Variants in RFTN1 observed in about 807,000 individuals in gnomAD.
RFTN1 encodes raftlin, lipid raft linker 1.
A neutral mutation model predicts 46.5 loss-of-function variants in RFTN1; 26 were observed. The observed-to-expected ratio is 0.56, with a 90% CI of 0.41 to 0.78. The LOEUF (loss-of-function observed/expected upper bound fraction) is 0.78. RFTN1 is among the 30% of genes least tolerant of loss of function. RFTN1 has a pLI of 0.00. For synonymous variants in RFTN1, 261 were observed against 284.2 expected (o/e 0.92, Z 0.82); for missense variants, 693 against 718.7 (o/e 0.96, Z 0.41).
intron 3 of RFTN1, 67 bp from the exon 4 acceptor site, chr3:16,409,550 T>A: frequency 8.9e-7 from 1 of 1,126,904 alleles, no homozygotes; most frequent in Non-Finnish European, 1.3e-6. Context: ...ACAGTCTCAC[T>A]CTTGTCACCC....
chr3:16,508,021 A>G (rs988226486), intron 1 of RFTN1, among the ~76,000 whole-genome samples: 3 of 152,226 alleles, frequency 2.0e-5, no homozygotes, highest in Admixed American at 2.0e-4. Flanking sequence ...AGAAGTGTGG[A>G]AACCTCCAAT....
At chr3:16,333,932 G>A (rs1453433584) in intron 7 of RFTN1, among the ~76,000 whole-genome samples, 2 of 152,196 alleles carry the variant, frequency 1.3e-5, no homozygotes, top group Non-Finnish European at 2.9e-5. Flanking sequence ...TTGGGAGGCC[G>A]ACGCGGGTAG....
In RFTN1 at chr3:16,454,868, A is replaced by G. The variant is rs775154934; in HGVS notation, c.146-20831T>C. 2.7e-4 allele frequency: 183 copies of G among 681,416 alleles called. 1 individual carries two copies. The highest frequency in any genetic ancestry group is 3.2e-4 in the Non-Finnish European group (175 of 552,460). 42.2% of individuals were successfully genotyped at this position (681,416 alleles called of 1,614,324 possible). On this transcript the variant is annotated intron_variant, in intron 2 of 9. Coordinates refer to ENST00000334133, the MANE Select transcript of RFTN1 (RefSeq NM_015150.2). ...TCACAACTAGCTTTTTGCCTAGTCC[A>G]TAACTAGAATTCAATAAATCCTTAG...
intron 7 of RFTN1, among the ~76,000 whole-genome samples, chr3:16,355,148 T>A (rs1025661968): frequency 3.9e-5 from 6 of 152,184 alleles, no homozygotes; most frequent in Admixed American, 1.3e-4. Context: ...TAACACTCCA[T>A]TCACAGAAAT....
intron 1 of RFTN1, among the ~76,000 whole-genome samples, chr3:16,501,072 G>A (rs141404707): frequency 3.1e-4 from 47 of 152,276 alleles, no homozygotes; most frequent in African/African-American, 1.1e-3. Flanking sequence ...AGGATTGCGA[G>A]GCTGCAGTGA....
rs1158746848 is a variant in RFTN1 at position 16,338,795 on chromosome 3, AAAG to A, written c.1147-11922_1147-11920del. On this transcript the variant is annotated intron_variant, in intron 7 of 9. Coordinates refer to ENST00000334133, the MANE Select transcript of RFTN1 (RefSeq NM_015150.2). This position sits in a 1 kb window ranked among gnomAD's most constrained non-coding sequence, Gnocchi z 5.3. Reference sequence around the variant, plus strand: ...CTAGAAAAGAGAAAAGGGATTGAAAAAAGGAGCTTTTCCAAAGTGTATAATTAA... The same window carrying A: ...CTAGAAAAGAGAAAAGGGATTGAAAAGAGCTTTTCCAAAGTGTATAATTAA... Among the ~76,000 whole-genome samples the A allele has an allele frequency of 6.6e-6, 1 of 152,218 alleles. No homozygotes were observed. Among genetic ancestry groups the A allele is most frequent in the Non-Finnish European group, 1.5e-5 (1 of 68,046 alleles).
intron 4 of RFTN1, among the ~76,000 whole-genome samples, chr3:16,398,631 C>A (rs567105537): frequency 1.2e-4 from 18 of 152,266 alleles, no homozygotes; most frequent in African/African-American, 4.3e-4. Flanking sequence ...CAGCTGCTCA[C>A]CCCTCACCTT....
chr3:16,359,337 T>C (rs2125336236), intron 6 of RFTN1, among the ~76,000 whole-genome samples: 1 of 152,260 alleles, frequency 6.6e-6, no homozygotes, highest in South Asian at 2.1e-4. Context: ...ATGGACTGAA[T>C]TGTTTCCTCC....
At chr3:16,477,196 GT>G (rs557169830) in intron 2 of RFTN1, among the ~76,000 whole-genome samples, 2 of 138,742 alleles carry the variant, frequency 1.4e-5, no homozygotes, top group African/African-American at 5.1e-5. Context: ...AAATTATTTG[GT>G]TTTTTTCCTG....
At position 16,466,234 on chromosome 3, in the gene RFTN1, G is replaced by A. The variant is rs1173961194; in HGVS notation, c.145+27491C>T. ...ACAAAGAACACTTTTAACTTGCATC[G>A]TCCTCTCATCCCAGCTTGCAAAGGA... is the stretch of plus-strand genomic sequence containing the variant. On this transcript the variant is annotated intron_variant, in intron 2 of 9. Coordinates refer to ENST00000334133, the MANE Select transcript of RFTN1 (RefSeq NM_015150.2). The surrounding 1 kb of genome is among the most constrained non-coding windows in gnomAD (Gnocchi z 5.6). Among the ~76,000 whole-genome samples the A allele has an allele frequency of 2.0e-5, 3 of 152,112 alleles. No homozygotes were observed. The highest frequency in any genetic ancestry group is 4.8e-5 in the African/African-American group (2 of 41,406).
At position 16,466,586 on chromosome 3, in the gene RFTN1, C is replaced by T. The variant is rs1339904709; in HGVS notation, c.145+27139G>A. Among the ~76,000 whole-genome samples, 1 of 152,204 alleles carries T rather than the reference C, an allele frequency of 6.6e-6. No homozygotes were observed. The highest frequency in any genetic ancestry group is 2.4e-5 in the African/African-American group (1 of 41,442). On this transcript the variant is annotated intron_variant, in intron 2 of 9. Transcript: ENST00000334133. The surrounding 1 kb of genome is among the most constrained non-coding windows in gnomAD (Gnocchi z 5.6). ...TCTGGGCCTGAACTCAGGCTCCTTC[C>T]TAATTTAAGGAAAAAGTAAAACACC...
At position 16,321,155 on chromosome 3, in the gene RFTN1, G is replaced by T. The variant is rs1447862318; in HGVS notation, c.1332+2221C>A. The stretch of plus-strand genomic sequence containing the variant: ...TCTAGATAGGGTGGCGGTTGGCCAG[G>T]TGGGCGAGGTATGGGGAGGGGGACA... On this transcript the variant is annotated intron_variant, in intron 9 of 9. Transcript: ENST00000334133. This position sits in a 1 kb window ranked among gnomAD's most constrained non-coding sequence, Gnocchi z 4.8. 6.6e-6 allele frequency among the ~76,000 whole-genome samples: 1 copy of T among 152,112 alleles called. No homozygotes were observed. The highest frequency in any genetic ancestry group is 1.5e-5 in the Non-Finnish European group (1 of 68,002).
rs55861939 is a variant in RFTN1 at position 16,430,577 on chromosome 3, T to C, written c.332+3274A>G. 3.6e-3 allele frequency among the ~76,000 whole-genome samples: 543 copies of C among 152,314 alleles called. 3 individuals carry two copies. The highest frequency in any genetic ancestry group is 0.012 in the African/African-American group (485 of 41,572). ...CCACCACTCCTCCCACCTAATACCA[T>C]TGGGGCTAGAAGTGGGGATGATCCT... On this transcript the variant is annotated intron_variant, in intron 3 of 9. Coordinates refer to ENST00000334133, the MANE Select transcript of RFTN1 (RefSeq NM_015150.2).
chr3:16,359,525 C>G (rs868385687), intron 6 of RFTN1, among the ~76,000 whole-genome samples: 2 of 152,130 alleles, frequency 1.3e-5, no homozygotes, highest in African/African-American at 4.8e-5. Context: ...AGAGCCCTCT[C>G]TCTCCCTTTC....
rs899711369 is a variant in RFTN1, at chr3:16,479,625, C to A, written c.145+14100G>T. Among the ~76,000 whole-genome samples the A allele has an allele frequency of 2.0e-5, 3 of 152,236 alleles. No individual in the cohort carries two copies. The highest frequency in any genetic ancestry group is 7.2e-5 in the African/African-American group (3 of 41,460). On this transcript the variant is annotated intron_variant, in intron 2 of 9. Transcript: ENST00000334133. The surrounding 1 kb of genome is among the most constrained non-coding windows in gnomAD (Gnocchi z 5.1). ...CAAGCAAGCCATGATGGACTGAAGACCGGTGAGCCCATGCTCAGGGCATCT... is the reference window on the plus strand; with the variant it reads ...CAAGCAAGCCATGATGGACTGAAGAACGGTGAGCCCATGCTCAGGGCATCT...
rs1289948073 is a variant in RFTN1, at chr3:16,498,869, A to T, written c.-8-4992T>A. Among the ~76,000 whole-genome samples the T allele has an allele frequency of 1.3e-5, 2 of 149,492 alleles. No individual in the cohort carries two copies. The highest frequency in any genetic ancestry group is 3.8e-4 in the East Asian group (2 of 5,202). Reference sequence around the variant, plus strand: ...AGTCAGAAAAATCTAGCTTATAAAAAGTAGGAAAAATCAGCTGTAACAGTG... The same window carrying T: ...AGTCAGAAAAATCTAGCTTATAAAATGTAGGAAAAATCAGCTGTAACAGTG... On this transcript the variant is annotated intron_variant, in intron 1 of 9. Transcript: ENST00000334133. The surrounding 1 kb of genome is among the most constrained non-coding windows in gnomAD (Gnocchi z 5.2).
rs528804038 is a variant in RFTN1, at chr3:16,405,288, C to T, written c.441+4087G>A. On this transcript the variant is annotated intron_variant, in intron 4 of 9. Coordinates refer to ENST00000334133, the MANE Select transcript of RFTN1 (RefSeq NM_015150.2). Reference sequence around the variant, plus strand: ...CACAGCTTCTCAATTTTTCATCCCTCGAGCATTCGGCTCTAGGACTTAGAA... The same window carrying T: ...CACAGCTTCTCAATTTTTCATCCCTTGAGCATTCGGCTCTAGGACTTAGAA... Among the ~76,000 whole-genome samples the T allele has an allele frequency of 6.6e-5, 10 of 152,270 alleles. No individual in the cohort carries two copies. The South Asian group carries it at 1.0e-3, about 16-fold the overall frequency.
At position 16,377,834 on chromosome 3, in the gene RFTN1, G is replaced by A; in HGVS notation, c.710C>T (p.Pro237Leu). The change falls in exon 5 of 10, where the codon CCC becomes CTC. Residue 237 changes from proline to leucine, a missense_variant. Coordinates refer to ENST00000334133, the MANE Select transcript of RFTN1 (RefSeq NM_015150.2). ...PRGEVPLAKQPSSPSGEGDGG... is the reference protein window; with the variant it reads ...PRGEVPLAKQLSSPSGEGDGG... ...ATCTCCCTCTCCGGAGGGTGAGCTGGGCTGCTTGGCGAGGGGCACCTCCCC... is the reference window on the plus strand; with the variant it reads ...ATCTCCCTCTCCGGAGGGTGAGCTGAGCTGCTTGGCGAGGGGCACCTCCCC... 6.2e-7 allele frequency: 1 copy of A among 1,614,148 alleles called. No homozygotes were observed. Among genetic ancestry groups the A allele is most frequent in the African/African-American group, 1.3e-5 (1 of 75,044 alleles).
Position 16,433,945 on chromosome 3 carries a change from C to A in RFTN1, c.238G>T (p.Ala80Ser). The change falls in exon 3 of 10, where the codon GCG becomes TCG. Residue 80 changes from alanine (A) to serine (S), a missense_variant. Transcript: ENST00000334133. The surrounding 1 kb of genome is among the most constrained non-coding windows in gnomAD (Gnocchi z 4.4). Reference protein sequence around the residue: ...LELYQQGFSLAALHPFVQPTH... With the variant: ...LELYQQGFSLSALHPFVQPTH... ...GGCTGCACGAAGGGGTGCAGGGCCG[C>A]CAGCGAGAAGCCCTGCTGGTACAGC... 1 of 1,614,118 alleles carries A rather than the reference C, an allele frequency of 6.2e-7. No individual in the cohort carries two copies. Among genetic ancestry groups the A allele is most frequent in the Non-Finnish European group, 8.5e-7 (1 of 1,180,020 alleles).
Sources: allele counts gnomAD v4.1 joint callset (sites outside exome capture counted in the v4.1 genomes callset), GRCh38; gene constraint gnomAD v4.1.1; non-coding constraint Gnocchi (gnomAD v3.1); transcripts MANE v1.5; gene names NCBI Gene and HGNC (gene_info 2026-07-23, HGNC 2026-07-21).